The following RREB1 variants were observed in gnomAD, a reference collection of about 807,000 sequenced individuals.
RREB1 encodes ras-responsive element-binding protein 1.
Under a neutral mutation model 117.8 loss-of-function variants are expected in RREB1, and 27 were observed. The ratio of observed to expected loss-of-function variants is 0.23; its 90% CI spans 0.17 to 0.32. The LOEUF (loss-of-function observed/expected upper bound fraction) is 0.32, where lower values mean the gene tolerates loss of function less well. Ranked by LOEUF, RREB1 falls within the 10% of genes least tolerant of loss-of-function variation. The pLI is 1.00. For synonymous variants in RREB1, 1,298 were observed against 1,026.7 expected, an observed-to-expected ratio of 1.26 and a Z score of -5.05; for missense variants, 2,577 against 2,378.2, an observed-to-expected ratio of 1.08 and a Z score of -1.74.
At chr6:7,219,852 C>T (rs1296347432) in intron 8 of RREB1, among the ~76,000 whole-genome samples, 2 of 152,158 alleles carry the variant, frequency 1.3e-5, no homozygotes, top group African/African-American at 2.4e-5. Context: ...ACCTGGGAGT[C>T]GTCTTCCTCC....
rs1170664107 is a variant in RREB1, at chr6:7,160,257, C to T, written c.-284-16398C>T. ...GACACAGGGGTCTTGCTATATTGCCCAAGCTGGTCTCAAACTCCTGGCGTC... is the reference window on the plus strand; with the variant it reads ...GACACAGGGGTCTTGCTATATTGCCTAAGCTGGTCTCAAACTCCTGGCGTC... On this transcript the variant is annotated intron_variant, in intron 1 of 12. Coordinates refer to ENST00000379938, the MANE Select transcript of RREB1 (RefSeq NM_001003699.4). 7.2e-5 allele frequency among the ~76,000 whole-genome samples: 11 copies of T among 152,018 alleles called. No individual in the cohort carries two copies. The East Asian group carries it at 1.7e-3, about 24-fold the overall frequency.
chr6:7,216,251 G>C (rs1413700), intron 8 of RREB1: 37,931 of 152,122 alleles, frequency 0.25, 5,304 homozygotes, highest in South Asian at 0.53. Flanking sequence ...GGGCCCAGGA[G>C]GGCACATTTC....
chr6:7,209,663 T>C (rs1264414146), intron 6 of RREB1, among the ~76,000 whole-genome samples: 1 of 150,152 alleles, frequency 6.7e-6, no homozygotes, highest in Non-Finnish European at 1.5e-5. Flanking sequence ...AGCCATGACC[T>C]CTTGAGAGCC....
At chr6:7,120,077 A>G (rs562254158) in intron 1 of RREB1, among the ~76,000 whole-genome samples, 5 of 151,642 alleles carry the variant, frequency 3.3e-5, no homozygotes, top group Non-Finnish European at 7.4e-5. Flanking sequence ...TTAAAGAGCT[A>G]TATTTATGTC....
At chr6:7,153,817 C>A (rs953528223) in intron 1 of RREB1, among the ~76,000 whole-genome samples, 5 of 152,136 alleles carry the variant, frequency 3.3e-5, no homozygotes, top group Non-Finnish European at 7.4e-5. Context: ...GGTGTAGAAT[C>A]CTCTGCAGGT....
intron 10 of RREB1, among the ~76,000 whole-genome samples, chr6:7,234,046 C>T (rs1234600510): frequency 2.6e-5 from 4 of 152,128 alleles, no homozygotes; most frequent in Non-Finnish European, 5.9e-5. Context: ...GAGTGCCTAT[C>T]CAGGGAGGAC....
At chr6:7,239,994 C>A (rs1768591846) in intron 10 of RREB1, among the ~76,000 whole-genome samples, 1 of 152,202 alleles carries the variant, frequency 6.6e-6, no homozygotes, top group African/African-American at 2.4e-5. Context: ...CCCAAAGATA[C>A]CCAGGGGTTC....
At chr6:7,209,381 A>G (rs1581540748) in intron 6 of RREB1, among the ~76,000 whole-genome samples, 2 of 152,278 alleles carry the variant, frequency 1.3e-5, no homozygotes, top group South Asian at 4.1e-4. Flanking sequence ...TTGGAGTGTG[A>G]AAAACTTGCC....
chr6:7,232,958 G>C (rs1561800819), intron 10 of RREB1, among the ~76,000 whole-genome samples: 1 of 152,014 alleles, frequency 6.6e-6, no homozygotes, highest in Non-Finnish European at 1.5e-5. Context: ...GGAGTAGTAT[G>C]ATCTCAGCTC....
At position 7,147,553 on chromosome 6, in the gene RREB1, G is replaced by A. The variant is rs1028674532; in HGVS notation, c.-284-29102G>A. Among the ~76,000 whole-genome samples the A allele has an allele frequency of 2.0e-5, 3 of 152,204 alleles. No homozygotes were observed. In the East Asian group the frequency reaches 5.8e-4, roughly 29 times the overall value. ...TTCTTTGCCTTGTTTTCTTTCTCTG[G>A]CCTCATCAGAGTGAATTATATCTGA... On this transcript the variant is annotated intron_variant, in intron 1 of 12. Coordinates refer to ENST00000379938, the MANE Select transcript of RREB1 (RefSeq NM_001003699.4).
chr6:7,196,696 T>C (rs1222223149), intron 6 of RREB1, among the ~76,000 whole-genome samples: 1 of 152,186 alleles, frequency 6.6e-6, no homozygotes, highest in Non-Finnish European at 1.5e-5. Flanking sequence ...GATAAAGACC[T>C]TTTTAATTTA....
intron 1 of RREB1, among the ~76,000 whole-genome samples, chr6:7,148,106 G>A (rs115199275): frequency 1.3e-4 from 20 of 152,274 alleles, no homozygotes; most frequent in African/African-American, 4.3e-4. Flanking sequence ...CAGGGTATAC[G>A]TGGGGGGAGA....
intron 1 of RREB1, among the ~76,000 whole-genome samples, chr6:7,162,018 G>A (rs941707053): frequency 3.3e-5 from 5 of 152,096 alleles, no homozygotes; most frequent in Non-Finnish European, 5.9e-5. Flanking sequence ...ATGGCTCTTA[G>A]ATGGAACCTT....
At chr6:7,129,810 C>T (rs1762078302) in intron 1 of RREB1, among the ~76,000 whole-genome samples, 1 of 152,206 alleles carries the variant, frequency 6.6e-6, no homozygotes, top group African/African-American at 2.4e-5. Context: ...GGTTTTGGTT[C>T]ATGTCCCTTT....
At chr6:7,135,712 GT>G (rs1360458702) in intron 1 of RREB1, among the ~76,000 whole-genome samples, 2 of 152,174 alleles carry the variant, frequency 1.3e-5, no homozygotes, top group Non-Finnish European at 2.9e-5. Flanking sequence ...TTCCGTTTAA[GT>G]TTTATGTGCC....
At chr6:7,156,503 C>T (rs9406000) in intron 1 of RREB1, among the ~76,000 whole-genome samples, 15,776 of 152,182 alleles carry the variant, frequency 0.1, 986 homozygotes, top group East Asian at 0.23. Flanking sequence ...TTGTGGCTCT[C>T]CCAGCCACCT....
chr6:7,164,758 GCA>G (rs1312031399), intron 1 of RREB1, among the ~76,000 whole-genome samples: 1 of 152,220 alleles, frequency 6.6e-6, no homozygotes, highest in Admixed American at 6.5e-5. Flanking sequence ...CAAATCTCAG[GCA>G]CAGAGTTAGG....
chr6:7,190,676 C>T (rs1271258788), intron 6 of RREB1, among the ~76,000 whole-genome samples: 4 of 152,110 alleles, frequency 2.6e-5, no homozygotes, highest in South Asian at 2.1e-4. Flanking sequence ...TTTTACAATA[C>T]AATATTTTGC....
chr6:7,242,701 G>C (rs866681087), intron 11 of RREB1, among the ~76,000 whole-genome samples: 1 of 20,480 alleles, frequency 4.9e-5, no homozygotes, highest in African/African-American at 5.4e-4. Flanking sequence ...TTAAAAAAAA[G>C]GGGGGGGGGG....
Sources: gnomAD v4.1 joint callset for allele counts (sites outside exome capture counted in the v4.1 genomes callset) on GRCh38, gnomAD v4.1.1 for gene constraint, MANE v1.5 for transcripts, NCBI Gene and HGNC (gene_info 2026-07-23, HGNC 2026-07-21) for gene names.